The following GAS7 variants were observed in gnomAD, a reference collection of about 807,000 sequenced individuals.
The protein encoded by GAS7 is growth arrest specific 7.
GAS7 carries 28 observed loss-of-function variants against 71.1 expected under a neutral mutation model. That is an observed-to-expected ratio of 0.39 (90% CI 0.29 to 0.54). The LOEUF (loss-of-function observed/expected upper bound fraction) is 0.54. Ranked by LOEUF, GAS7 falls within the 20% of genes least tolerant of loss-of-function variation. The pLI is 0.62. For missense variants in GAS7, 436 were observed against 627.8 expected, an observed-to-expected ratio of 0.69 and a Z score of 3.27; for synonymous variants, 258 against 245.8, an observed-to-expected ratio of 1.05 and a Z score of -0.46.
intron 1 of GAS7, among the ~76,000 whole-genome samples, chr17:10,133,689 G>A (rs928186334): frequency 2.0e-5 from 3 of 151,338 alleles, no homozygotes; most frequent in Admixed American, 6.6e-5. Context: ...TTCCCCACCC[G>A]CAACCCATAG....
At chr17:10,037,793 A>T (rs528485895) in intron 1 of GAS7, among the ~76,000 whole-genome samples, 1 of 152,260 alleles carries the variant, frequency 6.6e-6, no homozygotes, top group East Asian at 1.9e-4. Flanking sequence ...TAAATGCTCA[A>T]TGAAAGCTAG....
intron 1 of GAS7, among the ~76,000 whole-genome samples, chr17:10,129,226 G>A (rs2073977356): frequency 6.6e-6 from 1 of 152,166 alleles, no homozygotes; most frequent in South Asian, 2.1e-4. Flanking sequence ...AAGACTAAAT[G>A]TAAGAGCTAA....
chr17:10,041,124 T>C (rs531810120), intron 1 of GAS7, among the ~76,000 whole-genome samples: 5 of 144,802 alleles, frequency 3.5e-5, no homozygotes, highest in Non-Finnish European at 6.0e-5. Context: ...ATCGTGCAGC[T>C]GCACTCCGGC....
In GAS7 at chr17:10,147,945, G is replaced by A. The variant is rs117848809; in HGVS notation, c.183+50263C>T. Reference sequence around the variant, plus strand: ...CCAACTGCCACTTCCTAACCTGGCCGCAAATCACAAATTCTGAACCTCCCA... The same window carrying A: ...CCAACTGCCACTTCCTAACCTGGCCACAAATCACAAATTCTGAACCTCCCA... On this transcript the variant is annotated intron_variant, in intron 1 of 13. Coordinates refer to ENST00000432992, the MANE Select transcript of GAS7 (RefSeq NM_201433.2). Among the ~76,000 whole-genome samples the A allele has an allele frequency of 9.2e-5, 14 of 152,234 alleles. No homozygotes were observed. In the East Asian group the frequency reaches 2.3e-3, roughly 25 times the overall value.
intron 1 of GAS7, among the ~76,000 whole-genome samples, chr17:10,038,906 C>T (rs1481245776): frequency 6.6e-6 from 1 of 151,910 alleles, no homozygotes; most frequent in African/African-American, 2.4e-5. Flanking sequence ...TGTGGATGGA[C>T]CTTAAGGACA....
intron 1 of GAS7, among the ~76,000 whole-genome samples, chr17:10,108,791 T>A (rs12943734): frequency 1.3e-5 from 2 of 152,092 alleles, no homozygotes; most frequent in African/African-American, 4.8e-5. Context: ...CGTAGAGGAA[T>A]AAAACTGGAC....
chr17:10,095,348 C>A (rs1213870598), intron 1 of GAS7, among the ~76,000 whole-genome samples: 1 of 152,136 alleles, frequency 6.6e-6, no homozygotes, highest in Non-Finnish European at 1.5e-5. Flanking sequence ...ATTCTTTATT[C>A]CAGAAGGAAC....
chr17:9,973,323 G>A (rs576711059), intron 3 of GAS7, among the ~76,000 whole-genome samples: 14 of 151,146 alleles, frequency 9.3e-5, no homozygotes, highest in East Asian at 5.8e-4. Context: ...GGGCGATCTC[G>A]GCTCACTGCG....
chr17:10,171,987 G>T (rs1236437258), intron 1 of GAS7, among the ~76,000 whole-genome samples: 1 of 152,172 alleles, frequency 6.6e-6, no homozygotes, highest in Non-Finnish European at 1.5e-5. Context: ...TCTTCAAGAA[G>T]CTTCAAGTTC....
chr17:10,006,753 A>G (rs2071551944), intron 2 of GAS7, among the ~76,000 whole-genome samples: 1 of 152,200 alleles, frequency 6.6e-6, no homozygotes, highest in African/African-American at 2.4e-5. Context: ...CTTTGAAATT[A>G]TAAGACCTGC....
chr17:9,987,623 A>G (rs2070694347), intron 2 of GAS7, among the ~76,000 whole-genome samples: 1 of 152,204 alleles, frequency 6.6e-6, no homozygotes, highest in South Asian at 2.1e-4. Context: ...ATAAATGAAT[A>G]AATGAATGGA....
intron 3 of GAS7, among the ~76,000 whole-genome samples, chr17:9,971,811 CAGG>C (rs1342389038): frequency 2.6e-5 from 4 of 152,180 alleles, no homozygotes; most frequent in Non-Finnish European, 5.9e-5. Context: ...GCAGGAAGCA[CAGG>C]AGAATATGGC....
intron 2 of GAS7, among the ~76,000 whole-genome samples, chr17:9,991,182 G>C (rs548723545): frequency 6.6e-6 from 1 of 152,290 alleles, no homozygotes; most frequent in Admixed American, 6.5e-5. Flanking sequence ...TACCCCAGAA[G>C]CTGGATCCCT....
intron 2 of GAS7, among the ~76,000 whole-genome samples, chr17:10,018,561 G>C (rs1335299643): frequency 1.3e-5 from 2 of 152,194 alleles, no homozygotes; most frequent in African/African-American, 4.8e-5. Flanking sequence ...TGTAAGATTA[G>C]AACGGTCAGA....
chr17:10,129,122 T>C (rs1262494505), intron 1 of GAS7, among the ~76,000 whole-genome samples: 1 of 152,140 alleles, frequency 6.6e-6, no homozygotes, highest in Non-Finnish European at 1.5e-5. Flanking sequence ...GGCCATCTTT[T>C]CAACAAACTG....
At chr17:9,958,992 A>G in intron 5 of GAS7, 3 of 1,417,284 alleles carry the variant, frequency 2.1e-6, no homozygotes, top group Non-Finnish European at 2.8e-6. Context: ...CTTGTTCACC[A>G]GGAGAGAAGT....
chr17:10,070,509 C>A (rs1012263580), intron 1 of GAS7, among the ~76,000 whole-genome samples: 2 of 152,010 alleles, frequency 1.3e-5, no homozygotes, highest in Non-Finnish European at 2.9e-5. Context: ...GACTAAAGGC[C>A]TGCGCCACCA....
intron 1 of GAS7, among the ~76,000 whole-genome samples, chr17:10,190,044 G>A (rs1418763298): frequency 1.3e-5 from 2 of 152,062 alleles, no homozygotes; most frequent in Non-Finnish European, 2.9e-5. Context: ...AAGTTTTATT[G>A]GAACACAGGC....
At position 10,031,800 on chromosome 17, in the gene GAS7, G is replaced by A. The variant is rs553608687; in HGVS notation, c.184-11903C>T. 5.8e-4 allele frequency among the ~76,000 whole-genome samples: 88 copies of A among 152,212 alleles called. 1 individual carries two copies. The highest frequency in any genetic ancestry group is 6.8e-4 in the Non-Finnish European group (46 of 68,042). On this transcript the variant is annotated intron_variant, in intron 1 of 13. Coordinates refer to ENST00000432992, the MANE Select transcript of GAS7 (RefSeq NM_201433.2). ...TTTTCGTTGGTGGCATCTCCCCAGCGGCGCCATACGGCATGATGGGGATCT... is the reference window on the plus strand; with the variant it reads ...TTTTCGTTGGTGGCATCTCCCCAGCAGCGCCATACGGCATGATGGGGATCT...
Sources: gnomAD v4.1 joint callset for allele counts (sites outside exome capture counted in the v4.1 genomes callset) on GRCh38, gnomAD v4.1.1 for gene constraint, MANE v1.5 for transcripts, NCBI Gene and HGNC (gene_info 2026-07-23, HGNC 2026-07-21) for gene names.